The following FOXN1 variants were observed in gnomAD, a reference collection of about 807,000 sequenced individuals.
The protein encoded by FOXN1 is forkhead box N1.
FOXN1 carries 15 observed loss-of-function variants against 49.0 expected under a neutral mutation model. That is an observed-to-expected ratio of 0.31 (90% CI 0.20 to 0.47). The LOEUF is 0.47. Ranked by LOEUF, FOXN1 falls within the 20% of genes least tolerant of loss-of-function variation. The pLI is 1.00. For missense variants in FOXN1, 800 were observed against 842.8 expected (o/e 0.95, Z 0.63); for synonymous variants, 356 against 369.0 (o/e 0.96, Z 0.40).
chr17:28,514,313 C>T (rs1347179544), intron 1 of FOXN1, among the ~76,000 whole-genome samples: 2 of 152,176 alleles, frequency 1.3e-5, no homozygotes, highest in Admixed American at 6.5e-5. Flanking sequence ...CCACTCCCCT[C>T]CCTGCCCATT....
chr17:28,519,286 G>A (rs926716560), intron 1 of FOXN1, among the ~76,000 whole-genome samples: 1 of 151,854 alleles, frequency 6.6e-6, no homozygotes, highest in South Asian at 2.1e-4. Flanking sequence ...AGTGATGATT[G>A]TGCCACTGCA....
At chr17:28,531,688 T>C (rs1259321050) in intron 6 of FOXN1, among the ~76,000 whole-genome samples, 1 of 152,068 alleles carries the variant, frequency 6.6e-6, no homozygotes, top group Non-Finnish European at 1.5e-5. Flanking sequence ...GAGGAGTGCC[T>C]TCTCCAAGCC....
intron 1 of FOXN1, among the ~76,000 whole-genome samples, chr17:28,513,732 C>T (rs1447303954): frequency 6.6e-6 from 1 of 152,240 alleles, no homozygotes; most frequent in Admixed American, 6.5e-5. Context: ...GAGCTGCAGG[C>T]TGAATGACTC....
chr17:28,533,384 C>A (rs1414455500), intron 6 of FOXN1, among the ~76,000 whole-genome samples: 1 of 152,144 alleles, frequency 6.6e-6, no homozygotes, highest in Non-Finnish European at 1.5e-5. Flanking sequence ...TCTCACCCAA[C>A]TGAGTCAGCC....
rs1017734879 is a variant in FOXN1, at chr17:28,524,982, C to T, written c.588+15C>T. ...CCCAAGTCCTGGTGAGTACTAGTGG[C>T]CAGCGAGTGTCCCATCTTCCCACTG... is the stretch of plus-strand genomic sequence containing the variant. On this transcript the variant is annotated intron_variant, in intron 3 of 8. Transcript: ENST00000579795. 3 of 1,570,032 alleles carry T rather than the reference C, an allele frequency of 1.9e-6. No individual in the cohort carries two copies. Among genetic ancestry groups the T allele is most frequent in the Non-Finnish European group, 2.6e-6 (3 of 1,147,802 alleles).
At chr17:28,530,619 A>G (rs1567883349) in intron 5 of FOXN1, 130 bp from the exon 6 acceptor site, 5 of 706,998 alleles carry the variant, frequency 7.1e-6, no homozygotes, top group Admixed American at 2.0e-5. Flanking sequence ...GCTCACTTCA[A>G]TGGACACCTT....
chr17:28,520,198 A>G (rs1452844258), intron 1 of FOXN1, among the ~76,000 whole-genome samples: 1 of 152,136 alleles, frequency 6.6e-6, no homozygotes, highest in Admixed American at 6.5e-5. Context: ...GTCCAGCTTC[A>G]GGGGTTCTGC....
chr17:28,527,561 G>A (rs912645688), intron 4 of FOXN1, among the ~76,000 whole-genome samples, 200 bp downstream of exon 4: 1 of 152,212 alleles, frequency 6.6e-6, no homozygotes, highest in African/African-American at 2.4e-5. Flanking sequence ...TCCTCCAGGG[G>A]TGGGCTTGTC....
intron 4 of FOXN1, among the ~76,000 whole-genome samples, chr17:28,528,367 C>T (rs541471563): frequency 7.8e-4 from 119 of 152,290 alleles, no homozygotes; most frequent in Non-Finnish European, 1.4e-3. Flanking sequence ...GACTAAGGGG[C>T]CACCAGACCT....
intron 1 of FOXN1, among the ~76,000 whole-genome samples, chr17:28,511,511 A>G (rs1323725203): frequency 6.6e-5 from 10 of 152,062 alleles, no homozygotes; most frequent in Non-Finnish European, 1.5e-4. Context: ...AGGTAAAAAG[A>G]TCTCACTCAG....
Position 28,534,761 on chromosome 17 carries a change from T to G in FOXN1, c.1190T>G (p.Leu397Arg). 3.1e-6 allele frequency: 5 copies of G among 1,613,556 alleles called. No individual in the cohort carries two copies. The highest frequency in any genetic ancestry group is 4.2e-6 in the Non-Finnish European group (5 of 1,179,732). The change falls in exon 8 of 9, where the codon CTG becomes CGG. Residue 397 changes from leucine (L) to arginine (R), a missense_variant. Transcript: ENST00000579795. The surrounding 1 kb of genome is among the most constrained non-coding windows in gnomAD (Gnocchi z 4.1). The stretch of plus-strand genomic sequence containing the variant: ...AGAGAAAAGCTGGGCTCCCCACTCC[T>G]GGGCTGTCCGCCCCCTGGGCTGTCC... ...DKREKLGSPL[L>R]GCPPPGLSGS...
chr17:28,521,653 T>C (rs1384638511), intron 1 of FOXN1, among the ~76,000 whole-genome samples: 7 of 152,198 alleles, frequency 4.6e-5, no homozygotes, highest in Non-Finnish European at 8.8e-5. Flanking sequence ...TGGGGACTCT[T>C]GAAGGGGCGG....
At position 28,533,999 on chromosome 17, in the gene FOXN1, G is replaced by A. The variant is rs188285330; in HGVS notation, c.928-332G>A. On this transcript the variant is annotated intron_variant, in intron 6 of 8. Coordinates refer to ENST00000579795, the MANE Select transcript of FOXN1 (RefSeq NM_001369369.1). Reference sequence around the variant, plus strand: ...TGGGGAGTGGCTCAGCTTCAGATGGGAGAGTGTTGTGGGTCAGAAGGCCTC... The same window carrying A: ...TGGGGAGTGGCTCAGCTTCAGATGGAAGAGTGTTGTGGGTCAGAAGGCCTC... Among the ~76,000 whole-genome samples the A allele has an allele frequency of 3.3e-3, 505 of 152,320 alleles. 3 individuals carry two copies. Among genetic ancestry groups the A allele is most frequent in the Middle Eastern group, 0.017 (5 of 294 alleles).
At chr17:28,530,889 G>C in intron 6 of FOXN1, 44 bp downstream of exon 6, 1 of 1,089,868 alleles carries the variant, frequency 9.2e-7, no homozygotes, top group African/African-American at 1.5e-5. Context: ...CCAAGTCCTG[G>C]ACAGGCCAGG....
intron 1 of FOXN1, among the ~76,000 whole-genome samples, chr17:28,507,097 CCCGCAAGA>C (rs1372016831): frequency 1.3e-5 from 2 of 152,168 alleles, no homozygotes; most frequent in Non-Finnish European, 2.9e-5. Context: ...CCATTTCTCT[CCCGCAAGA>C]CCCCTAAGGC....
rs150671729 is a variant in FOXN1, at chr17:28,534,453, G to A, written c.1050G>A (p.Pro350=). The A allele has an allele frequency of 3.0e-5, 48 of 1,614,146 alleles. No homozygotes were observed. Among genetic ancestry groups the A allele is most frequent in the Middle Eastern group, 3.3e-4 (2 of 6,056 alleles). The change falls in exon 7 of 9, where the codon CCG becomes CCA. Residue 350 remains proline (P), a synonymous_variant. Coordinates refer to ENST00000579795, the MANE Select transcript of FOXN1 (RefSeq NM_001369369.1). This position sits in a 1 kb window ranked among gnomAD's most constrained non-coding sequence, Gnocchi z 4.1. ...SRKGCLWALN[P]AKIDKMQEEL... is the part of the protein sequence containing the mutation. ...AGGGCTGCCTGTGGGCCCTCAATCC[G>A]GCCAAGATCGACAAGATGCAAGAGG...
chr17:28,508,055 C>G (rs1217887997), intron 1 of FOXN1, among the ~76,000 whole-genome samples: 1 of 152,154 alleles, frequency 6.6e-6, no homozygotes, highest in Non-Finnish European at 1.5e-5. Flanking sequence ...GAGCTCAGCT[C>G]CCGGCTCCAG....
At chr17:28,506,946 C>T (rs1555606216) in intron 1 of FOXN1, among the ~76,000 whole-genome samples, 6 of 152,208 alleles carry the variant, frequency 3.9e-5, no homozygotes. Flanking sequence ...GGGCTGGGGT[C>T]TAGATGCCTG....
In FOXN1 at chr17:28,534,424, C is replaced by T. The variant is rs141965955; in HGVS notation, c.1021C>T (p.Arg341Cys). ...KVENKSGSSS[R>C]KGCLWALNPA... ...GGAGAACAAATCAGGAAGTTCCTCC[C>T]GCAAGGGCTGCCTGTGGGCCCTCAA... The change falls in exon 7 of 9, where the codon CGC (arginine) becomes TGC (cysteine). Residue 341 changes from arginine (R) to cysteine (C), a missense_variant. Transcript: ENST00000579795. The surrounding 1 kb of genome is among the most constrained non-coding windows in gnomAD (Gnocchi z 4.1). The T allele has an allele frequency of 1.9e-5, 30 of 1,614,130 alleles. No individual in the cohort carries two copies. Among genetic ancestry groups the T allele is most frequent in the Non-Finnish European group, 2.2e-5 (26 of 1,180,002 alleles).
Sources: allele counts gnomAD v4.1 joint callset (sites outside exome capture counted in the v4.1 genomes callset), GRCh38; gene constraint gnomAD v4.1.1; non-coding constraint Gnocchi (gnomAD v3.1); transcripts MANE v1.5; gene names NCBI Gene and HGNC (gene_info 2026-07-23, HGNC 2026-07-21).